The following DOCK9 variants were observed in gnomAD, a reference collection of about 807,000 sequenced individuals.
The protein encoded by DOCK9 is dedicator of cytokinesis protein 9.
A neutral mutation model predicts 263.3 loss-of-function variants in DOCK9; 89 were observed. That is an observed-to-expected ratio of 0.34 (90% CI 0.28 to 0.40). DOCK9 has a LOEUF of 0.40. DOCK9 is among the 10% of genes least tolerant of loss of function. DOCK9 has a pLI of 1.00. For missense variants in DOCK9, 2,140 were observed against 2,603.4 expected (o/e 0.82, Z 3.87); for synonymous variants, 976 against 973.1 (o/e 1.00, Z -0.06).
At chr13:98,932,772 C>T (rs796389214) in intron 2 of DOCK9, among the ~76,000 whole-genome samples, 5 of 152,246 alleles carry the variant, frequency 3.3e-5, no homozygotes, top group African/African-American at 1.2e-4. Context: ...GAATAAGGCT[C>T]CCCATTCTAA....
At chr13:99,077,492 G>A (rs1194130513) in intron 1 of DOCK9, among the ~76,000 whole-genome samples, 2 of 152,190 alleles carry the variant, frequency 1.3e-5, no homozygotes, top group African/African-American at 4.8e-5. Context: ...TCCAGAAGCA[G>A]AAACCTGTAC....
chr13:98,814,116 G>C (rs2091582713), intron 45 of DOCK9, among the ~76,000 whole-genome samples: 1 of 152,192 alleles, frequency 6.6e-6, no homozygotes, highest in African/African-American at 2.4e-5. Context: ...CATTTGTAAA[G>C]CAGTTGTGAC....
chr13:99,010,830 T>G (rs753925238), intron 1 of DOCK9, among the ~76,000 whole-genome samples: 22 of 152,238 alleles, frequency 1.4e-4, no homozygotes, highest in Non-Finnish European at 7.3e-5. Context: ...TCAAGACATC[T>G]GTTTGTTACT....
At position 98,868,276 on chromosome 13, in the gene DOCK9, T is replaced by C. The variant is rs146051528; in HGVS notation, c.3045A>G (p.Pro1015=). 1,027 of 1,614,022 alleles carry C rather than the reference T, an allele frequency of 6.4e-4. 3 individuals are homozygous for C. The African/African-American group carries it at 0.012, about 18-fold the overall frequency. The part of the protein sequence containing the change: ...PHITQKFRDN[P]EASKNANHSL... ...TATGATTCGCGTTCTTAGATGCCTC[T>C]GGATTATCTCGAAACTTCTGAGTGA... The change falls in exon 28 of 53, where the codon CCA becomes CCG. Residue 1015 remains proline, a synonymous_variant. Coordinates refer to ENST00000682017, the MANE Select transcript of DOCK9 (RefSeq NM_001366683.2).
chr13:98,942,553 G>A (rs1423472738), intron 2 of DOCK9, among the ~76,000 whole-genome samples: 18 of 152,126 alleles, frequency 1.2e-4, no homozygotes, highest in Admixed American at 1.2e-3. Context: ...TCTTTCTTTA[G>A]AATTCTATTT....
chr13:98,937,691 T>C (rs1428293021), intron 2 of DOCK9, among the ~76,000 whole-genome samples: 1 of 143,718 alleles, frequency 7.0e-6, no homozygotes, highest in Non-Finnish European at 1.5e-5. Context: ...TCTCAATATT[T>C]ATGGGACAGT....
chr13:98,882,081 C>A, intron 23 of DOCK9, 74 bp from the exon 24 acceptor site: 2 of 1,242,112 alleles, frequency 1.6e-6, no homozygotes, highest in Non-Finnish European at 2.3e-6. Flanking sequence ...TCCACTCTTC[C>A]AAACAAGGAT....
At chr13:99,052,951 A>G (rs548645744) in intron 1 of DOCK9, among the ~76,000 whole-genome samples, 43 of 152,202 alleles carry the variant, frequency 2.8e-4, no homozygotes, top group Non-Finnish European at 4.6e-4. Context: ...TCTCCACTCT[A>G]TTGATGCTAA....
chr13:98,866,240 C>T (rs2094019443), intron 30 of DOCK9, among the ~76,000 whole-genome samples: 1 of 152,066 alleles, frequency 6.6e-6, no homozygotes, highest in Non-Finnish European at 1.5e-5. Flanking sequence ...GATTGTCATC[C>T]AGGTGTATGT....
intron 1 of DOCK9, among the ~76,000 whole-genome samples, chr13:98,962,016 C>T (rs2058692596): frequency 1.3e-5 from 2 of 152,196 alleles, no homozygotes; most frequent in African/African-American, 4.8e-5. Context: ...CTTTTCCAAT[C>T]CTAAAAATTC....
chr13:98,875,809 G>A (rs898223491), intron 27 of DOCK9, among the ~76,000 whole-genome samples: 3 of 152,120 alleles, frequency 2.0e-5, no homozygotes, highest in African/African-American at 2.4e-5. Context: ...AGGTCCATCC[G>A]CTGTAGTAAG....
At chr13:99,050,440 A>C (rs909087967) in intron 1 of DOCK9, among the ~76,000 whole-genome samples, 3 of 152,206 alleles carry the variant, frequency 2.0e-5, no homozygotes, top group African/African-American at 7.2e-5. Context: ...CATGCCTGTA[A>C]TCCCAGCACT....
intron 15 of DOCK9, among the ~76,000 whole-genome samples, chr13:98,889,537 G>A: frequency 6.6e-6 from 1 of 152,118 alleles, no homozygotes; most frequent in East Asian, 1.9e-4. Context: ...TCCAATATAG[G>A]AATCCCCTGT....
At chr13:98,820,635 A>G in intron 45 of DOCK9, 1 of 423,588 alleles carries the variant, frequency 2.4e-6, no homozygotes, top group Non-Finnish European at 4.7e-6. Context: ...GTGCTCTGCT[A>G]TGAGGATCTG....
At chr13:99,058,338 T>C (rs2041022088) in intron 1 of DOCK9, among the ~76,000 whole-genome samples, 1 of 152,082 alleles carries the variant, frequency 6.6e-6, no homozygotes, top group Non-Finnish European at 1.5e-5. Context: ...CCAATTTTTG[T>C]ATTTTTAGTA....
At chr13:99,059,162 G>C (rs532512191) in intron 1 of DOCK9, among the ~76,000 whole-genome samples, 1 of 152,296 alleles carries the variant, frequency 6.6e-6, no homozygotes, top group East Asian at 1.9e-4. Flanking sequence ...AATACACCAT[G>C]ACCAGAGATC....
upstream of DOCK9, chr13:99,088,372 G>C (rs1393354507): frequency 2.0e-5 from 3 of 152,234 alleles, no homozygotes. Flanking sequence ...CACTCTGTTC[G>C]GTGAGAGCAA....
At chr13:98,953,340 T>G (rs887711105) in intron 2 of DOCK9, among the ~76,000 whole-genome samples, 1 of 152,258 alleles carries the variant, frequency 6.6e-6, no homozygotes, top group African/African-American at 2.4e-5. Flanking sequence ...CCTAGAATAT[T>G]TGTGCCTGCT....
intron 34 of DOCK9, among the ~76,000 whole-genome samples, chr13:98,855,296 A>G (rs1211568026): frequency 1.3e-5 from 2 of 152,284 alleles, no homozygotes; most frequent in Non-Finnish European, 2.9e-5. Context: ...GGAATTGGCC[A>G]GGTGTAGTGG....
Sources: gnomAD v4.1 joint callset for allele counts (sites outside exome capture counted in the v4.1 genomes callset) on GRCh38, gnomAD v4.1.1 for gene constraint, MANE v1.5 for transcripts, NCBI Gene and HGNC (gene_info 2026-07-23, HGNC 2026-07-21) for gene names.